MALRD1: variants seen among roughly 807,000 people sequenced by gnomAD.
MALRD1 encodes MAM and LDL-receptor class A domain-containing protein 1.
MALRD1 carries 247 observed loss-of-function variants against 242.1 expected under a neutral mutation model. The ratio of observed to expected loss-of-function variants is 1.02; its 90% CI spans 0.92 to 1.13. The LOEUF is 1.13. Ranked by LOEUF, MALRD1 falls within the 50% of genes most tolerant of loss-of-function variation. MALRD1 has a pLI of 0.00. For synonymous variants in MALRD1, 995 were observed against 866.6 expected (o/e 1.15, Z -2.60); for missense variants, 2,989 against 2,533.1 (o/e 1.18, Z -3.86).
chr10:19,539,592 G>A (rs1303348794), intron 32 of MALRD1, among the ~76,000 whole-genome samples: 1 of 152,168 alleles, frequency 6.6e-6, no homozygotes, highest in Non-Finnish European at 1.5e-5. Context: ...CTTAGTGTGT[G>A]TGAGCCGATA....
intron 21 of MALRD1, among the ~76,000 whole-genome samples, chr10:19,296,662 C>T (rs1411561686): frequency 6.6e-6 from 1 of 152,032 alleles, no homozygotes; most frequent in African/African-American, 2.4e-5. Context: ...ATGAAGGACA[C>T]ATTTAAATAT....
chr10:19,699,633 C>T (rs989352906), intron 38 of MALRD1, among the ~76,000 whole-genome samples: 17 of 152,088 alleles, frequency 1.1e-4, no homozygotes, highest in African/African-American at 3.9e-4. Flanking sequence ...TTAATTGGCT[C>T]ATAGTTCTGC....
chr10:19,643,188 T>C (rs1241205679), intron 36 of MALRD1, among the ~76,000 whole-genome samples: 1 of 151,992 alleles, frequency 6.6e-6, no homozygotes, highest in Non-Finnish European at 1.5e-5. Context: ...TCCCAGCACT[T>C]TGGGAGGCGG....
chr10:19,148,780 A>G (rs1213291444), intron 11 of MALRD1, among the ~76,000 whole-genome samples: 1 of 72,128 alleles, frequency 1.4e-5, no homozygotes, highest in African/African-American at 5.1e-5. Context: ...AATTAAAAAA[A>G]AAAAAAAAAT....
chr10:19,622,806 A>T (rs1217084656), intron 36 of MALRD1, among the ~76,000 whole-genome samples: 3 of 151,942 alleles, frequency 2.0e-5, no homozygotes, highest in African/African-American at 7.2e-5. Flanking sequence ...CTGAATAGAA[A>T]ATTTGACATT....
intron 19 of MALRD1, among the ~76,000 whole-genome samples, chr10:19,269,305 G>C (rs1230345417): frequency 6.6e-6 from 1 of 152,212 alleles, no homozygotes. Context: ...AATGGGATTA[G>C]TGCTCTTACA....
chr10:19,102,773 C>G lies in MALRD1; in HGVS notation c.598-1206C>G, dbSNP rs369572019. ...CGGAGACTGGCTTCTTTTTAAGTTT[C>G]TCAGATCAATCATACCAGAGTATCT... On this transcript the variant is annotated intron_variant, in intron 4 of 39. Coordinates refer to ENST00000454679, the MANE Select transcript of MALRD1 (RefSeq NM_001142308.3). Among the ~76,000 whole-genome samples, 24 of 152,208 alleles carry G rather than the reference C, an allele frequency of 1.6e-4. No individual in the cohort carries two copies. In the South Asian group the frequency reaches 2.5e-3, roughly 16 times the overall value.
intron 19 of MALRD1, among the ~76,000 whole-genome samples, chr10:19,270,313 TCTCTTC>T (rs1205419496): frequency 3.7e-4 from 49 of 133,018 alleles, no homozygotes; most frequent in African/African-American, 1.4e-3. Context: ...ACTGTCTCTC[TCTCTTC>T]TCTCTCTCTC....
chr10:19,516,498 C>G (rs1204572301), intron 31 of MALRD1, among the ~76,000 whole-genome samples: 2 of 152,116 alleles, frequency 1.3e-5, no homozygotes, highest in Admixed American at 1.3e-4. Flanking sequence ...GATTTAGAGT[C>G]AAATTCTTTT....
At chr10:19,054,470 T>C (rs571698643) in intron 1 of MALRD1, among the ~76,000 whole-genome samples, 3 of 152,328 alleles carry the variant, frequency 2.0e-5, no homozygotes, top group Non-Finnish European at 4.4e-5. Flanking sequence ...ACATTAATAT[T>C]GACTGTAGTC....
At chr10:19,213,724 G>T (rs906493850) in intron 18 of MALRD1, among the ~76,000 whole-genome samples, 2 of 152,254 alleles carry the variant, frequency 1.3e-5, no homozygotes, top group South Asian at 2.1e-4. Context: ...CTGCTAAATT[G>T]TGTCTGGATG....
chr10:19,120,588 T>C (rs1182479476), intron 5 of MALRD1, among the ~76,000 whole-genome samples: 2 of 151,918 alleles, frequency 1.3e-5, no homozygotes, highest in Admixed American at 6.6e-5. Flanking sequence ...GGCAAATCCA[T>C]AGAGATAGAA....
chr10:19,272,953 C>G (rs1486120657), intron 19 of MALRD1, among the ~76,000 whole-genome samples: 1 of 152,018 alleles, frequency 6.6e-6, no homozygotes, highest in African/African-American at 2.4e-5. Context: ...TGGGTTGGTT[C>G]CAAATGTTTG....
intron 14 of MALRD1, among the ~76,000 whole-genome samples, chr10:19,194,704 G>T (rs1836153142): frequency 6.6e-6 from 1 of 152,066 alleles, no homozygotes; most frequent in African/African-American, 2.4e-5. Flanking sequence ...TTATATGACA[G>T]CTTTCCACCT....
At chr10:19,171,981 CATATA>C (rs1203628001) in intron 13 of MALRD1, among the ~76,000 whole-genome samples, 2 of 25,904 alleles carry the variant, frequency 7.7e-5, no homozygotes, top group Non-Finnish European at 1.6e-4. Context: ...TGATATATAT[CATATA>C]ATATATGTAT....
intron 29 of MALRD1, among the ~76,000 whole-genome samples, chr10:19,453,612 C>T (rs1801394253): frequency 6.6e-6 from 1 of 152,116 alleles, no homozygotes; most frequent in South Asian, 2.1e-4. Flanking sequence ...CACTGTGGCT[C>T]ATTCCTGCAG....
intron 12 of MALRD1, among the ~76,000 whole-genome samples, chr10:19,163,787 G>C (rs1300169881): frequency 1.3e-5 from 2 of 152,154 alleles, no homozygotes; most frequent in Non-Finnish European, 2.9e-5. Context: ...AAGAATTTAA[G>C]TCTCCATAAT....
chr10:19,321,428 A>G (rs549309189), intron 21 of MALRD1, among the ~76,000 whole-genome samples: 1 of 152,116 alleles, frequency 6.6e-6, no homozygotes, highest in Admixed American at 6.6e-5. Flanking sequence ...GGAGACAGAG[A>G]TAAGTTATGT....
At chr10:19,337,878 T>C (rs1402973360) in intron 24 of MALRD1, among the ~76,000 whole-genome samples, 3 of 151,728 alleles carry the variant, frequency 2.0e-5, no homozygotes, top group Non-Finnish European at 2.9e-5. Context: ...CTAGCCAACA[T>C]TGTGAAACCC....
Sources: gnomAD v4.1 joint callset for allele counts (sites outside exome capture counted in the v4.1 genomes callset) on GRCh38, gnomAD v4.1.1 for gene constraint, MANE v1.5 for transcripts, NCBI Gene and HGNC (gene_info 2026-07-23, HGNC 2026-07-21) for gene names.